Variants in APC observed in about 807,000 individuals in gnomAD.
The protein encoded by APC is APC regulator of Wnt signaling pathway, also known as adenomatous polyposis coli protein.
A neutral mutation model predicts 247.0 loss-of-function variants in APC; 72 were observed. That is an observed-to-expected ratio of 0.29 (90% confidence interval 0.24 to 0.35). The LOEUF is 0.35. Among genes scored for constraint, APC ranks in the 10% least tolerant of loss-of-function variants. The probability of loss-of-function intolerance (pLI) is 1.00; values close to 1 mark genes in which losing one functional copy is unlikely to be tolerated. For missense variants in APC, 3,400 were observed against 3,360.7 expected (o/e 1.01, Z -0.29); for synonymous variants, 1,254 against 1,162.5 (o/e 1.08, Z -1.60).
chr5:112,781,086 CTT>C lies in APC; in HGVS notation c.645+185_645+186del, dbSNP rs1389508232. The stretch of plus-strand genomic sequence containing the variant: ...ATAATCAATATTCACATAGTTGTGT[CTT>C]TACCATATTCATTTCCCCTGGTACT... On this transcript the variant is annotated intron_variant, in intron 6 of 15. Coordinates refer to ENST00000257430, the MANE Select transcript of APC (RefSeq NM_000038.6). Among the ~76,000 whole-genome samples the C allele has an allele frequency of 2.6e-5, 4 of 152,296 alleles. No homozygotes were observed. In the East Asian group the frequency reaches 5.8e-4, roughly 22 times the overall value.
chr5:112,724,609 T>TG lies in APC; in HGVS notation c.165+16732dup, dbSNP rs1322655214. On this transcript the variant is annotated intron_variant, in intron 1 of 13. Transcript: ENST00000507379. ...ACAGGGATCTATGGAAGCATTGGGG[T>TG]GGGGGTGGGGGCAGATCTTACTCTG... is the stretch of plus-strand genomic sequence containing the variant. Among the ~76,000 whole-genome samples the TG allele has an allele frequency of 2.4e-4, 4 of 16,550 alleles. No individual in the cohort carries two copies. In the East Asian group the frequency reaches 7.1e-3, roughly 29 times the overall value. 10.9% of individuals were successfully genotyped at this position (16,550 alleles called of 152,430 possible).
intron 1 of APC, among the ~76,000 whole-genome samples, chr5:112,712,427 C>T (rs963844465): frequency 2.6e-5 from 4 of 152,148 alleles, no homozygotes; most frequent in African/African-American, 7.2e-5. Flanking sequence ...CACTCTGCCA[C>T]CCAGACTGGC....
At chr5:112,740,764 G>A (rs995780542) in intron 1 of APC, among the ~76,000 whole-genome samples, 2 of 152,092 alleles carry the variant, frequency 1.3e-5, no homozygotes, top group East Asian at 3.9e-4. Flanking sequence ...GAGCTCAAAT[G>A]ATCCTCCCAC....
At chr5:112,709,021 A>G (rs1361659922) in intron 1 of APC, among the ~76,000 whole-genome samples, 2 of 152,224 alleles carry the variant, frequency 1.3e-5, no homozygotes, top group Admixed American at 6.5e-5. Context: ...AGGGTTGGAT[A>G]ACGTGTCAAG....
chr5:112,825,712 T>C (rs1253250621), intron 11 of APC, among the ~76,000 whole-genome samples: 2 of 152,168 alleles, frequency 1.3e-5, no homozygotes, highest in African/African-American at 4.8e-5. Context: ...AAAAGAAAGA[T>C]ACACATTCAT....
intron 15 of APC, among the ~76,000 whole-genome samples, chr5:112,836,174 C>CT (rs1160474842): frequency 2.6e-5 from 2 of 76,594 alleles, no homozygotes; most frequent in East Asian, 9.0e-4. Flanking sequence ...GTCCCCCCCC[C>CT]CCCCCGCCAC....
chr5:112,747,241 A>AC (rs1554065837), intron 1 of APC, among the ~76,000 whole-genome samples: 1 of 151,924 alleles, frequency 6.6e-6, no homozygotes, highest in Non-Finnish European at 1.5e-5. Context: ...CTTTTTCTTG[A>AC]GGGGGGAAAA....
intron 1 of APC, among the ~76,000 whole-genome samples, chr5:112,746,704 A>C (rs1409604002): frequency 6.6e-6 from 1 of 152,258 alleles, no homozygotes; most frequent in African/African-American, 2.4e-5. Context: ...ATTTACTGAA[A>C]TCTGAGTAAG....
chr5:112,711,420 G>C (rs1440944493), intron 1 of APC, among the ~76,000 whole-genome samples: 1 of 152,208 alleles, frequency 6.6e-6, no homozygotes, highest in African/African-American at 2.4e-5. Flanking sequence ...CCTTAGATCA[G>C]TTGTGAAATA....
intron 1 of APC, 120 bp from the exon 2 acceptor site, chr5:112,754,753 A>G: frequency 2.2e-6 from 2 of 894,098 alleles, no homozygotes; most frequent in Non-Finnish European, 3.5e-6. Flanking sequence ...AAAAACTAGC[A>G]TATTAACACA....
At chr5:112,828,586 T>G (rs1379532191) in intron 13 of APC, among the ~76,000 whole-genome samples, 1 of 151,934 alleles carries the variant, frequency 6.6e-6, no homozygotes, top group East Asian at 1.9e-4. Flanking sequence ...CTAGAACTAC[T>G]GCAGGCGCAT....
At chr5:112,732,411 A>G (rs1752143950) in intron 1 of APC, among the ~76,000 whole-genome samples, 1 of 152,178 alleles carries the variant, frequency 6.6e-6, no homozygotes, top group South Asian at 2.1e-4. Context: ...AAGCTCAGAA[A>G]CTTAGTCCCG....
intron 9 of APC, 95 bp from the exon 10 acceptor site, chr5:112,818,871 A>G (rs965624615): frequency 1.1e-6 from 1 of 917,716 alleles, no homozygotes; most frequent in East Asian, 4.1e-5. Context: ...TTGTTTTTTT[A>G]GAGTTATAGT....
intron 1 of APC, among the ~76,000 whole-genome samples, chr5:112,726,664 A>G (rs1008642844): frequency 6.6e-6 from 1 of 151,682 alleles, no homozygotes; most frequent in Non-Finnish European, 1.5e-5. Flanking sequence ...CTGGAGAGCT[A>G]CCCTCCTCTA....
upstream of APC, among the ~76,000 whole-genome samples, chr5:112,733,021 T>C (rs148027289): frequency 7.1e-3 from 1,088 of 152,350 alleles, 9 homozygotes; most frequent in Non-Finnish European, 8.4e-3. Flanking sequence ...TAAATGACTT[T>C]TCCAGCGTTA....
rs11286305 is a variant in APC at position 112,740,524 on chromosome 5, CTT to C, written c.-19+2617_-19+2618del. Among the ~76,000 whole-genome samples, 587 of 99,150 alleles carry C rather than the reference CTT, an allele frequency of 5.9e-3. 1 individual carries two copies. Among genetic ancestry groups the C allele is most frequent in the African/African-American group, 0.019 (470 of 24,594 alleles). The allele number at this position is 99,150 out of a possible 152,430, so 65.0% of individuals were successfully genotyped here. On this transcript the variant is annotated intron_variant, in intron 1 of 15. Coordinates refer to ENST00000257430, the MANE Select transcript of APC (RefSeq NM_000038.6). ...GTTTTTGTTTTTTGTGTTTTTTTTT[CTT>C]TTTTTTTTTTTTTTTTTGAGACAGG...
chr5:112,842,478 C>G lies in APC; in HGVS notation c.6884C>G (p.Ser2295Ter). The G allele has an allele frequency of 6.2e-7, 1 of 1,613,958 alleles. No individual in the cohort carries two copies. The highest frequency in any genetic ancestry group is 8.5e-7 in the Non-Finnish European group (1 of 1,179,922). Residue 2295 changes from serine to a stop codon, truncating the protein, a stop_gained, in exon 16 of 16, where the codon TCA becomes TGA. Transcript: ENST00000257430. LOFTEE classifies it high-confidence loss of function. ...VARQTSQIGG[S>*]SKAPSRSGSR... is the part of the protein sequence containing the mutation. ...AGGCAGACATCCCAAATAGGTGGGT[C>G]AAGTAAAGCACCTTCTAGATCAGGA... is the stretch of plus-strand genomic sequence containing the variant.
chr5:112,762,373 A>G (rs138451682), intron 2 of APC, among the ~76,000 whole-genome samples: 2 of 152,218 alleles, frequency 1.3e-5, no homozygotes, highest in Non-Finnish European at 2.9e-5. Flanking sequence ...AGTGTCCACT[A>G]AACGGTACAA....
chr5:112,772,758 C>G (rs540802359), intron 4 of APC, among the ~76,000 whole-genome samples: 1 of 152,242 alleles, frequency 6.6e-6, no homozygotes, highest in Admixed American at 6.5e-5. Context: ...TTCAAGTGAT[C>G]CACCTGCCTC....
Sources: gnomAD v4.1 joint callset for allele counts (sites outside exome capture counted in the v4.1 genomes callset) on GRCh38, gnomAD v4.1.1 for gene constraint, MANE v1.5 for transcripts, NCBI Gene and HGNC (gene_info 2026-07-23, HGNC 2026-07-21) for gene names.